Variants in CLDN16 observed in about 807,000 individuals in gnomAD.
The protein encoded by CLDN16 is claudin 16, also known as claudin-16.
CLDN16 carries 13 observed loss-of-function variants against 24.6 expected under a neutral mutation model. That is an observed-to-expected ratio of 0.53 (90% confidence interval 0.34 to 0.84). The LOEUF is 0.84. Ranked by LOEUF, CLDN16 falls within the 40% of genes least tolerant of loss-of-function variation. The probability of loss-of-function intolerance (pLI) is 0.01; values close to 1 mark genes in which losing one functional copy is unlikely to be tolerated. For missense variants in CLDN16, 298 were observed against 292.7 expected (o/e 1.02, Z -0.13); for synonymous variants, 116 against 106.7 (o/e 1.09, Z -0.54).
At chr3:190,322,461 C>T (rs1462491833), upstream of CLDN16, 1 of 550,764 alleles carries the variant, frequency 1.8e-6, no homozygotes, top group Non-Finnish European at 3.3e-6. Flanking sequence ...AACCGCTGGG[C>T]GCCGCGATTT....
At chr3:190,350,881 C>G (rs747141149) in intron 1 of CLDN16, among the ~76,000 whole-genome samples, 7 of 152,136 alleles carry the variant, frequency 4.6e-5, no homozygotes, top group Admixed American at 1.3e-4. Context: ...AATCTTTCCT[C>G]GCAGTCTTCT....
chr3:190,408,480 C>T lies in CLDN16; in HGVS notation c.549C>T (p.Leu183=). ...SLGCFLAGAV[L]TCCLYLFKDV... ...GTTGCTTTTTGGCTGGAGCTGTTCT[C>T]ACCTGCTGCTTATATCTTTTTAAAG... The change falls in exon 4 of 5, where the codon CTC becomes CTT. Residue 183 remains leucine (L), a synonymous_variant. Transcript: ENST00000264734. 6.2e-7 allele frequency: 1 copy of T among 1,614,014 alleles called. No individual in the cohort carries two copies. The highest frequency in any genetic ancestry group is 8.5e-7 in the Non-Finnish European group (1 of 1,179,994).
intron 1 of CLDN16, among the ~76,000 whole-genome samples, chr3:190,333,318 G>T (rs765160575): frequency 6.6e-6 from 1 of 152,072 alleles, no homozygotes; most frequent in South Asian, 2.1e-4. Context: ...CCCTAAAAGG[G>T]TATTAATTCT....
At chr3:190,329,697 G>A (rs1326842442) in intron 1 of CLDN16, among the ~76,000 whole-genome samples, 1 of 152,276 alleles carries the variant, frequency 6.6e-6, no homozygotes, top group East Asian at 1.9e-4. Context: ...AACTTAACCT[G>A]TGGTTATTTA....
chr3:190,379,975 G>GTCTATCTATCTATCTA (rs34203533), intron 3 of CLDN16, among the ~76,000 whole-genome samples: 1,498 of 149,070 alleles, frequency 0.01, 22 homozygotes, highest in South Asian at 0.02. Flanking sequence ...TATCAACTCT[G>GTCTATCTATCTATCTA]TCTATCTATC....
At position 190,362,417 on chromosome 3, in the gene CLDN16, C is replaced by T. The variant is rs562064216; in HGVS notation, n.122-8476C>T. Among the ~76,000 whole-genome samples, 5 of 152,028 alleles carry T rather than the reference C, an allele frequency of 3.3e-5. No homozygotes were observed. The South Asian group carries it at 1.0e-3, about 32-fold the overall frequency. ...CACTTCGACCCCCTCTGTGATTCCA[C>T]CTTCAACCTGACCAGTCAGCACTCC... On this transcript the variant is annotated intron_variant and non_coding_transcript_variant, in intron 1 of 4. Coordinates refer to the CLDN16 transcript ENST00000468220.
At chr3:190,291,274 C>T in the CLDN16 span, among the ~76,000 whole-genome samples, 1 of 152,130 alleles carries the variant, frequency 6.6e-6, no homozygotes, top group East Asian at 1.9e-4. Flanking sequence ...TCTCATACTA[C>T]TATAAAGAAC....
rs1719246700 is a variant in CLDN16 at position 190,410,386 on chromosome 3, G to C, written c.*350G>C. 1 of 193,982 alleles carries C rather than the reference G, an allele frequency of 5.2e-6. No individual in the cohort carries two copies. The highest frequency in any genetic ancestry group is 1.0e-4 in the South Asian group (1 of 10,026). The allele number at this position is 193,982 out of a possible 1,614,324, so 12.0% of individuals were successfully genotyped here. ...ACTTAAACAGAAAGCAATTTCCAAA[G>C]AGGCCAGGGACCCTAATCTTTGAAG... is the stretch of plus-strand genomic sequence containing the variant. On this transcript the variant is annotated 3_prime_UTR_variant, in exon 5 of 5. Transcript: ENST00000264734.
the CLDN16 span, among the ~76,000 whole-genome samples, chr3:190,317,146 G>T: frequency 1.3e-5 from 2 of 152,178 alleles, no homozygotes; most frequent in South Asian, 4.2e-4. Flanking sequence ...CTTTGAATTG[G>T]TCTGATTAGA....
chr3:190,390,819 G>A (rs74896531), intron 1 of CLDN16, among the ~76,000 whole-genome samples: 28 of 151,792 alleles, frequency 1.8e-4, no homozygotes, highest in Non-Finnish European at 1.0e-4. Flanking sequence ...TTGGTCTCAC[G>A]CTGTCACCCA....
intron 1 of CLDN16, among the ~76,000 whole-genome samples, chr3:190,395,772 G>A (rs1718804409): frequency 1.3e-5 from 2 of 151,912 alleles, no homozygotes; most frequent in Admixed American, 6.6e-5. Context: ...TTAGTTGTCT[G>A]TACATTTATA....
intron 1 of CLDN16, among the ~76,000 whole-genome samples, chr3:190,347,057 C>G (rs185497367): frequency 1.5e-3 from 227 of 152,144 alleles, no homozygotes; most frequent in Non-Finnish European, 3.5e-4. Flanking sequence ...AGATGTTTGC[C>G]TAACTGGAGA....
At chr3:190,345,773 T>C (rs1014856830) in intron 1 of CLDN16, among the ~76,000 whole-genome samples, 2 of 151,634 alleles carry the variant, frequency 1.3e-5, no homozygotes, top group Non-Finnish European at 3.0e-5. Flanking sequence ...TTTCCTTCCT[T>C]CTCATAAAAT....
At chr3:190,349,652 A>G (rs559050873) in intron 1 of CLDN16, among the ~76,000 whole-genome samples, 1 of 152,092 alleles carries the variant, frequency 6.6e-6, no homozygotes, top group East Asian at 1.9e-4. Context: ...TGACCCTGTG[A>G]CTTGTGTTAT....
chr3:190,312,233 A>C, the CLDN16 span, among the ~76,000 whole-genome samples: 2 of 152,116 alleles, frequency 1.3e-5, no homozygotes, highest in East Asian at 3.8e-4. Flanking sequence ...ACCTGGCCTA[A>C]AAAACACGTA....
the CLDN16 span, chr3:190,313,299 G>C: frequency 6.5e-6 from 3 of 464,140 alleles, no homozygotes; most frequent in Non-Finnish European, 3.9e-6. Flanking sequence ...AAATCAACTG[G>C]AAAATTAATT....
At chr3:190,400,342 G>C (rs116115171) in intron 1 of CLDN16, among the ~76,000 whole-genome samples, 15 of 151,950 alleles carry the variant, frequency 9.9e-5, no homozygotes, top group African/African-American at 3.6e-4. Flanking sequence ...TGGTTCAAGC[G>C]ATGCTCCTGC....
At chr3:190,300,730 C>T in the CLDN16 span, among the ~76,000 whole-genome samples, 1 of 152,134 alleles carries the variant, frequency 6.6e-6, no homozygotes, top group African/African-American at 2.4e-5. Flanking sequence ...AGGCATTAGC[C>T]ATCATGCTTT....
chr3:190,298,421 G>T, the CLDN16 span, among the ~76,000 whole-genome samples: 1 of 148,264 alleles, frequency 6.7e-6, no homozygotes, highest in African/African-American at 2.5e-5. Context: ...AGTTAAAAAT[G>T]ATATTACGTG....
Sources: allele counts gnomAD v4.1 joint callset (sites outside exome capture counted in the v4.1 genomes callset), GRCh38; gene constraint gnomAD v4.1.1; transcripts MANE v1.5; gene names NCBI Gene and HGNC (gene_info 2026-07-23, HGNC 2026-07-21).